Variants in MYO3B observed in about 807,000 individuals in gnomAD.
MYO3B encodes the protein myosin-IIIb.
A neutral mutation model predicts 174.6 loss-of-function variants in MYO3B; 156 were observed. The ratio of observed to expected loss-of-function variants is 0.89; its 90% CI spans 0.78 to 1.02. The LOEUF is 1.02. MYO3B is among the 50% of genes least tolerant of loss of function. The pLI is 0.00. For synonymous variants in MYO3B, 563 were observed against 569.1 expected (o/e 0.99, Z 0.15); for missense variants, 1,632 against 1,639.4 (o/e 1.00, Z 0.08).
chr2:170,583,934 A>G (rs1693327686), intron 32 of MYO3B, among the ~76,000 whole-genome samples: 2 of 152,238 alleles, frequency 1.3e-5, no homozygotes, highest in South Asian at 4.1e-4. Flanking sequence ...AAAGCAAGCT[A>G]ACTTACAAAA....
At chr2:170,314,241 T>C (rs1287912454) in intron 7 of MYO3B, among the ~76,000 whole-genome samples, 1 of 152,202 alleles carries the variant, frequency 6.6e-6, no homozygotes, top group Non-Finnish European at 1.5e-5. Context: ...TTTTGCCTAT[T>C]TTCCTGTATG....
chr2:170,653,259 T>C lies in MYO3B; in HGVS notation c.*138T>C, dbSNP rs959292779. On this transcript the variant is annotated 3_prime_UTR_variant, in exon 35 of 35. Coordinates refer to ENST00000408978, the MANE Select transcript of MYO3B (RefSeq NM_138995.5). ...CCATGCCTGAACCTTACTGAACCACTTGCAGATTCCAAAACATCTTATCCT... is the reference window on the plus strand; with the variant it reads ...CCATGCCTGAACCTTACTGAACCACCTGCAGATTCCAAAACATCTTATCCT... 1.0e-5 allele frequency: 10 copies of C among 995,212 alleles called. No homozygotes were observed. Among genetic ancestry groups the C allele is most frequent in the Non-Finnish European group, 1.5e-5 (10 of 662,852 alleles). The allele number at this position is 995,212 out of a possible 1,614,324, so 61.6% of individuals were successfully genotyped here.
chr2:170,614,329 C>T (rs976063645), intron 32 of MYO3B, among the ~76,000 whole-genome samples: 5 of 152,184 alleles, frequency 3.3e-5, no homozygotes, highest in Non-Finnish European at 7.3e-5. Context: ...AAGCACACTA[C>T]TCAACACATA....
In MYO3B at chr2:170,206,444, A is replaced by G. The variant is rs1413398490; in HGVS notation, c.321+6160A>G. Among the ~76,000 whole-genome samples, 1 of 152,168 alleles carries G rather than the reference A, an allele frequency of 6.6e-6. No individual in the cohort carries two copies. The highest frequency in any genetic ancestry group is 1.5e-5 in the Non-Finnish European group (1 of 68,014). The stretch of plus-strand genomic sequence containing the variant: ...TCTTTGAGGCTAGAGATTGTGTCAT[A>G]TTCATGATTGAGTAATAGGTAATAA... On this transcript the variant is annotated intron_variant, in intron 3 of 34. Coordinates refer to ENST00000408978, the MANE Select transcript of MYO3B (RefSeq NM_138995.5). This position sits in a 1 kb window ranked among gnomAD's most constrained non-coding sequence, Gnocchi z 4.3.
chr2:170,285,377 T>C (rs897168565), intron 7 of MYO3B, among the ~76,000 whole-genome samples: 7 of 152,200 alleles, frequency 4.6e-5, no homozygotes, highest in Non-Finnish European at 8.8e-5. Flanking sequence ...GTGACCTTTT[T>C]TTTTTTTGGG....
chr2:170,237,931 G>C (rs2093089904), intron 7 of MYO3B, among the ~76,000 whole-genome samples: 1 of 152,208 alleles, frequency 6.6e-6, no homozygotes, highest in Non-Finnish European at 1.5e-5. Context: ...GTGTGCTCAT[G>C]TGTGTTCAAC....
chr2:170,280,788 G>A (rs888025012), intron 7 of MYO3B, among the ~76,000 whole-genome samples: 2 of 151,984 alleles, frequency 1.3e-5, no homozygotes, highest in Non-Finnish European at 2.9e-5. Context: ...ATGGTCATAG[G>A]TGTGCGGCCT....
chr2:170,420,421 G>C (rs2094607115), intron 22 of MYO3B, among the ~76,000 whole-genome samples: 1 of 152,072 alleles, frequency 6.6e-6, no homozygotes. Flanking sequence ...TCAGTATGCT[G>C]ATTTCATGCC....
chr2:170,197,299 T>G (rs184649184), intron 1 of MYO3B, among the ~76,000 whole-genome samples: 2 of 152,304 alleles, frequency 1.3e-5, no homozygotes, highest in Admixed American at 1.3e-4. Flanking sequence ...ATTTCAAACT[T>G]TCTTTACTGC....
chr2:170,231,703 A>G (rs1279114187), intron 6 of MYO3B, among the ~76,000 whole-genome samples: 1 of 152,230 alleles, frequency 6.6e-6, no homozygotes, highest in Non-Finnish European at 1.5e-5. Context: ...AAGACCTTCT[A>G]CAAAACATTG....
intron 32 of MYO3B, among the ~76,000 whole-genome samples, chr2:170,546,547 T>C (rs1375688176): frequency 2.0e-5 from 3 of 152,226 alleles, no homozygotes; most frequent in African/African-American, 7.2e-5. Flanking sequence ...GCTATTGCTG[T>C]TTTGGGCAGG....
intron 14 of MYO3B, among the ~76,000 whole-genome samples, chr2:170,389,077 A>C (rs940500362): frequency 1.3e-5 from 2 of 152,256 alleles, no homozygotes; most frequent in African/African-American, 4.8e-5. Context: ...GGAGAGTTCT[A>C]GGTCACTTAA....
intron 8 of MYO3B, chr2:170,346,364 A>T (rs1387047620): frequency 6.6e-6 from 1 of 152,184 alleles, no homozygotes; most frequent in Non-Finnish European, 1.5e-5. Flanking sequence ...GTCGAAGACA[A>T]TTCTTCCAGT....
intron 25 of MYO3B, among the ~76,000 whole-genome samples, chr2:170,472,297 C>A (rs1450640888): frequency 6.6e-6 from 1 of 152,160 alleles, no homozygotes; most frequent in Non-Finnish European, 1.5e-5. Context: ...GATTTGGCCC[C>A]TGCTTACTTT....
intron 3 of MYO3B, among the ~76,000 whole-genome samples, chr2:170,209,781 C>T (rs2092752271): frequency 6.6e-6 from 1 of 152,194 alleles, no homozygotes; most frequent in African/African-American, 2.4e-5. Context: ...ATAGCATATA[C>T]ATTAGACATT....
Position 170,454,697 on chromosome 2 carries a change from G to A in MYO3B, c.2731-8671G>A, listed in dbSNP as rs530635742. 1.1e-3 allele frequency among the ~76,000 whole-genome samples: 169 copies of A among 152,158 alleles called. 1 individual carries two copies. The highest frequency in any genetic ancestry group is 1.9e-3 in the Non-Finnish European group (129 of 68,034). On this transcript the variant is annotated intron_variant, in intron 23 of 34. Transcript: ENST00000408978. ...GCCCCCAAATTTGTAACCACCTAACGGGCTCACCTTGCCCACTGCCTAGAC... is the reference window on the plus strand; with the variant it reads ...GCCCCCAAATTTGTAACCACCTAACAGGCTCACCTTGCCCACTGCCTAGAC...
chr2:170,391,431 A>G, intron 14 of MYO3B, 89 bp from the exon 15 acceptor site: 3 of 609,224 alleles, frequency 4.9e-6, no homozygotes. Context: ...TTGCCATGGA[A>G]TAATCTTTTG....
chr2:170,278,915 T>C (rs1470922485), intron 7 of MYO3B, among the ~76,000 whole-genome samples: 1 of 152,226 alleles, frequency 6.6e-6, no homozygotes, highest in Admixed American at 6.6e-5. Context: ...TTTAATGTAA[T>C]GACCTTCAGT....
chr2:170,441,212 C>T (rs1439754612), intron 22 of MYO3B, among the ~76,000 whole-genome samples: 8 of 152,304 alleles, frequency 5.3e-5, no homozygotes, highest in East Asian at 1.9e-4. Context: ...AAATTGTGAA[C>T]GGACATTAAT....
Sources: gnomAD v4.1 joint callset for allele counts (sites outside exome capture counted in the v4.1 genomes callset) on GRCh38, gnomAD v4.1.1 for gene constraint, Gnocchi (gnomAD v3.1) non-coding constraint, MANE v1.5 for transcripts, NCBI Gene and HGNC (gene_info 2026-07-23, HGNC 2026-07-21) for gene names.